Variants in SCFD2 observed in about 807,000 individuals in gnomAD.
SCFD2 encodes the protein sec1 family domain-containing protein 2.
Under a neutral mutation model 58.9 loss-of-function variants are expected in SCFD2, and 54 were observed. That is an observed-to-expected ratio of 0.92 (90% confidence interval 0.74 to 1.15). The LOEUF is 1.15. Among genes scored for constraint, SCFD2 ranks in the 50% most tolerant of loss-of-function variants. The pLI is 0.00. For synonymous variants in SCFD2, 321 were observed against 335.9 expected, an observed-to-expected ratio of 0.96 and a Z score of 0.49; for missense variants, 805 against 836.6, an observed-to-expected ratio of 0.96 and a Z score of 0.47.
chr4:53,264,086 C>A (rs535458431), intron 4 of SCFD2, among the ~76,000 whole-genome samples: 6 of 152,290 alleles, frequency 3.9e-5, no homozygotes, highest in Non-Finnish European at 7.4e-5. Context: ...GTAAAGCCGG[C>A]AGTCTCAGGC....
intron 5 of SCFD2, among the ~76,000 whole-genome samples, chr4:53,091,809 G>A (rs1386074923): frequency 2.6e-5 from 4 of 152,098 alleles, no homozygotes; most frequent in Non-Finnish European, 5.9e-5. Context: ...TTTTAGCAAT[G>A]CTACATCTTC....
intron 5 of SCFD2, among the ~76,000 whole-genome samples, chr4:52,933,942 G>A (rs1720063934): frequency 6.6e-6 from 1 of 152,156 alleles, no homozygotes; most frequent in Admixed American, 6.5e-5. Flanking sequence ...TTGTGTGCTT[G>A]CTTTCTCCTG....
intron 4 of SCFD2, among the ~76,000 whole-genome samples, chr4:53,165,422 G>T (rs1474624022): frequency 1.3e-5 from 2 of 152,090 alleles, no homozygotes; most frequent in African/African-American, 4.8e-5. Context: ...TCTCCTTATT[G>T]TTTTATAGAT....
At chr4:53,024,871 C>A (rs1330787922) in intron 5 of SCFD2, among the ~76,000 whole-genome samples, 2 of 152,168 alleles carry the variant, frequency 1.3e-5, no homozygotes, top group Non-Finnish European at 2.9e-5. Flanking sequence ...TTGAAGAAAG[C>A]AGTCCTTGGT....
intron 5 of SCFD2, among the ~76,000 whole-genome samples, chr4:53,082,374 T>C (rs1006338849): frequency 1.3e-5 from 2 of 152,154 alleles, no homozygotes; most frequent in Non-Finnish European, 1.5e-5. Flanking sequence ...TTTTAGATGA[T>C]GATGATTATT....
intron 7 of SCFD2, among the ~76,000 whole-genome samples, chr4:52,904,771 A>C (rs1719306079): frequency 1.3e-5 from 2 of 152,234 alleles, no homozygotes; most frequent in African/African-American, 4.8e-5. Flanking sequence ...GGAGCCAAGA[A>C]ATGTGGTTAA....
chr4:53,129,107 T>TA (rs1725715236), intron 5 of SCFD2, among the ~76,000 whole-genome samples: 1 of 152,242 alleles, frequency 6.6e-6, no homozygotes, highest in South Asian at 2.1e-4. Flanking sequence ...TTGGGAAATG[T>TA]AAGTTGCTAA....
At chr4:52,976,899 C>G (rs1298713428) in intron 5 of SCFD2, among the ~76,000 whole-genome samples, 1 of 152,090 alleles carries the variant, frequency 6.6e-6, no homozygotes, top group Non-Finnish European at 1.5e-5. Flanking sequence ...TAATGTTAGG[C>G]AAGTTATTTT....
At chr4:53,025,091 T>G (rs1045724374) in intron 5 of SCFD2, among the ~76,000 whole-genome samples, 1 of 151,900 alleles carries the variant, frequency 6.6e-6, no homozygotes, top group Non-Finnish European at 1.5e-5. Context: ...ATTACTATAG[T>G]TACGAAAAAA....
intron 5 of SCFD2, among the ~76,000 whole-genome samples, chr4:53,081,121 C>T (rs1283150940): frequency 1.3e-5 from 2 of 152,128 alleles, no homozygotes; most frequent in Non-Finnish European, 2.9e-5. Flanking sequence ...CTTGAGCACA[C>T]GTGAAGCAGA....
intron 4 of SCFD2, among the ~76,000 whole-genome samples, chr4:53,190,841 TTA>T (rs1269483804): frequency 6.8e-6 from 1 of 146,882 alleles, no homozygotes; most frequent in African/African-American, 2.7e-5. Flanking sequence ...CTACAGAAGG[TTA>T]TGTCTGTGAA....
chr4:53,359,437 T>C (rs573224439), intron 1 of SCFD2, among the ~76,000 whole-genome samples: 1 of 152,208 alleles, frequency 6.6e-6, no homozygotes, highest in Non-Finnish European at 1.5e-5. Context: ...TTTAAGTCAT[T>C]CTAACAATTT....
chr4:53,198,555 C>G (rs546745371), intron 4 of SCFD2, among the ~76,000 whole-genome samples: 1 of 151,956 alleles, frequency 6.6e-6, no homozygotes, highest in African/African-American at 2.4e-5. Flanking sequence ...TTCAGTACTT[C>G]AAGTTATAGT....
intron 5 of SCFD2, among the ~76,000 whole-genome samples, chr4:52,999,325 C>G (rs191075054): frequency 5.9e-5 from 9 of 152,284 alleles, no homozygotes; most frequent in Admixed American, 2.0e-4. Context: ...AATTAGTAGA[C>G]TGTGAATGAA....
At chr4:53,094,386 G>C (rs1479413960) in intron 5 of SCFD2, among the ~76,000 whole-genome samples, 1 of 152,038 alleles carries the variant, frequency 6.6e-6, no homozygotes, top group African/African-American at 2.4e-5. Flanking sequence ...TTGGCTTGTA[G>C]GTGGCCATGT....
In SCFD2 at chr4:52,900,624, G is replaced by T. The variant is rs562407810; in HGVS notation, c.1842+6833C>A. 3.3e-5 allele frequency among the ~76,000 whole-genome samples: 5 copies of T among 152,346 alleles called. No homozygotes were observed. In the South Asian group the frequency reaches 1.0e-3, roughly 32 times the overall value. On this transcript the variant is annotated intron_variant, in intron 7 of 8. Transcript: ENST00000401642. ...TGAGGAGGCATTCTGCCGGTTCTCA[G>T]ATCTCAAGCTGCGTGCTGGGAGAAC...
At chr4:52,960,909 A>G (rs1720838931) in intron 5 of SCFD2, among the ~76,000 whole-genome samples, 1 of 152,212 alleles carries the variant, frequency 6.6e-6, no homozygotes, top group African/African-American at 2.4e-5. Context: ...TTTAGAGACT[A>G]GGAATGCTCC....
intron 4 of SCFD2, among the ~76,000 whole-genome samples, chr4:53,259,751 A>C (rs1290733177): frequency 6.6e-6 from 1 of 152,136 alleles, no homozygotes; most frequent in Non-Finnish European, 1.5e-5. Flanking sequence ...TAGTTCTGTG[A>C]AGAATGATAG....
chr4:53,267,660 A>G (rs1490344509), intron 4 of SCFD2, among the ~76,000 whole-genome samples: 1 of 152,162 alleles, frequency 6.6e-6, no homozygotes, highest in East Asian at 1.9e-4. Flanking sequence ...AGGCCACTGC[A>G]GCCTCAAACT....
Sources: allele counts gnomAD v4.1 joint callset (sites outside exome capture counted in the v4.1 genomes callset), GRCh38; gene constraint gnomAD v4.1.1; transcripts MANE v1.5; gene names NCBI Gene and HGNC (gene_info 2026-07-23, HGNC 2026-07-21).